The following SEC61A1 variants were observed in gnomAD, a reference collection of about 807,000 sequenced individuals.
SEC61A1 encodes SEC61 translocon subunit alpha 1.
Under a neutral mutation model 55.2 loss-of-function variants are expected in SEC61A1, and 15 were observed. That is an observed-to-expected ratio of 0.27 (90% CI 0.18 to 0.42). SEC61A1 has a LOEUF of 0.42. Among genes scored for constraint, SEC61A1 ranks in the 10% least tolerant of loss-of-function variants. The probability of loss-of-function intolerance (pLI) is 1.00; values close to 1 mark genes in which losing one functional copy is unlikely to be tolerated. For missense variants in SEC61A1, 284 were observed against 602.6 expected, an observed-to-expected ratio of 0.47 and a Z score of 5.53; for synonymous variants, 247 against 234.0, an observed-to-expected ratio of 1.06 and a Z score of -0.51.
At chr3:128,065,587 GA>G (rs2107648565) in intron 8 of SEC61A1, among the ~76,000 whole-genome samples, 1 of 152,304 alleles carries the variant, frequency 6.6e-6, no homozygotes, top group Admixed American at 6.5e-5. Flanking sequence ...GGACAGAGAT[GA>G]AAGGCAGTTT....
intron 7 of SEC61A1, 22 bp from the exon 8 acceptor site, chr3:128,064,855 A>G: frequency 1.9e-6 from 3 of 1,564,778 alleles, no homozygotes; most frequent in Non-Finnish European, 2.6e-6. Context: ...TCCTTCATAT[A>G]TGTCTCCTCC....
intron 5 of SEC61A1, among the ~76,000 whole-genome samples, chr3:128,058,265 G>A (rs1344523371): frequency 7.8e-6 from 1 of 128,886 alleles, no homozygotes; most frequent in Non-Finnish European, 1.5e-5. Flanking sequence ...CTGGAGTGCA[G>A]TGGCGTGATC....
chr3:128,052,011 G>C, upstream of SEC61A1: 1 of 905,996 alleles, frequency 1.1e-6, no homozygotes, highest in Admixed American at 2.0e-5. Flanking sequence ...CTGCTCCAGG[G>C]AGCTTACGGT....
chr3:128,068,942 G>A (rs1248470385), intron 11 of SEC61A1: 1 of 152,322 alleles, frequency 6.6e-6, no homozygotes, highest in Non-Finnish European at 1.5e-5. Flanking sequence ...GGAAAAGCCA[G>A]AATTGCAAAC....
chr3:128,068,394 G>A lies in SEC61A1; in HGVS notation c.1244+335G>A, dbSNP rs188428074. Among the ~76,000 whole-genome samples, 343 of 152,290 alleles carry A rather than the reference G, an allele frequency of 2.3e-3. 3 individuals are homozygous for A. The highest frequency in any genetic ancestry group is 7.8e-3 in the African/African-American group (325 of 41,562). On this transcript the variant is annotated intron_variant, in intron 11 of 11. Coordinates refer to ENST00000243253, the MANE Select transcript of SEC61A1 (RefSeq NM_013336.4). ...CCCTCACCCTGGCTCATGCCGGTGG[G>A]GTGCTGAAGAGAGCGCCCTGGAGGA...
upstream of SEC61A1, chr3:128,052,410 C>T: frequency 8.1e-7 from 1 of 1,236,970 alleles, no homozygotes; most frequent in Non-Finnish European, 1.0e-6. Context: ...CGCGCCGCGC[C>T]GCGCCGCTTG....
At chr3:128,060,760 A>G in intron 7 of SEC61A1, 99 bp downstream of exon 7, 10 of 1,265,024 alleles carry the variant, frequency 7.9e-6, no homozygotes, top group Non-Finnish European at 1.1e-5. Context: ...ACAGAAAAAT[A>G]ATGTCAGTTT....
At chr3:128,055,365 A>G in intron 2 of SEC61A1, 151 bp from the exon 3 acceptor site, 2 of 681,632 alleles carry the variant, frequency 2.9e-6, no homozygotes, top group East Asian at 5.2e-5. Flanking sequence ...CATGGTACTT[A>G]TGTTTGGTAC....
Position 128,069,509 on chromosome 3 carries a change from G to C in SEC61A1, c.1278G>C (p.Leu426=), listed in dbSNP as rs768187019. ...YIPTAAAFGG[L]CIGALSVLAD... ...CCACAGCCGCGGCCTTTGGTGGGCT[G>C]TGCATCGGGGCCCTCTCGGTCCTGG... Residue 426 remains leucine (L), a synonymous_variant, in exon 12 of 12, where the codon CTG becomes CTC. Coordinates refer to ENST00000243253, the MANE Select transcript of SEC61A1 (RefSeq NM_013336.4). 1 of 1,613,428 alleles carries C rather than the reference G, an allele frequency of 6.2e-7. No homozygotes were observed. Among genetic ancestry groups the C allele is most frequent in the East Asian group, 2.2e-5 (1 of 44,884 alleles).
rs1942010903 is a variant in SEC61A1 at position 128,067,314 on chromosome 3, G to C, written c.976-107G>C. 6 of 1,331,480 alleles carry C rather than the reference G, an allele frequency of 4.5e-6. No individual in the cohort carries two copies. The Admixed American group carries it at 1.2e-4, about 27-fold the overall frequency. 82.5% of individuals were successfully genotyped at this position (1,331,480 alleles called of 1,614,324 possible). On this transcript the variant is annotated intron_variant, in intron 9 of 11. Coordinates refer to ENST00000243253, the MANE Select transcript of SEC61A1 (RefSeq NM_013336.4). The surrounding 1 kb of genome is among the most constrained non-coding windows in gnomAD (Gnocchi z 4.1). Reference sequence around the variant, plus strand: ...CTTTTCAGTAAAAAAATTGTACTGTGGGCACCGAGTAAAATTGCATTCTTT... The same window carrying C: ...CTTTTCAGTAAAAAAATTGTACTGTCGGCACCGAGTAAAATTGCATTCTTT...
intron 4 of SEC61A1, among the ~76,000 whole-genome samples, chr3:128,056,409 C>G (rs1941771505): frequency 1.3e-5 from 2 of 152,082 alleles, no homozygotes; most frequent in African/African-American, 4.8e-5. Context: ...AAGAGACGAA[C>G]ATTTCTTATC....
intron 1 of SEC61A1, 119 bp from the exon 2 acceptor site, chr3:128,052,716 G>T (rs945749449): frequency 1.1e-5 from 17 of 1,499,640 alleles, no homozygotes; most frequent in Non-Finnish European, 1.5e-5. Context: ...CGCGTCCGGG[G>T]TGCGGCCGGC....
At chr3:128,054,604 C>CTCAGT (rs1941744047) in intron 2 of SEC61A1, among the ~76,000 whole-genome samples, 1 of 142,660 alleles carries the variant, frequency 7.0e-6, no homozygotes. Flanking sequence ...GGAATGCTGA[C>CTCAGT]TCAGTGCCTG....
At chr3:128,065,908 ATTTT>A (rs749114427) in intron 8 of SEC61A1, among the ~76,000 whole-genome samples, 11 of 150,246 alleles carry the variant, frequency 7.3e-5, no homozygotes, top group Non-Finnish European at 1.0e-4. Context: ...CGCCCGGCTA[ATTTT>A]TTTTTATTTT....
chr3:128,069,554 T>C lies in SEC61A1; in HGVS notation c.1323T>C (p.Ile441=). 2 of 1,614,106 alleles carry C rather than the reference T, an allele frequency of 1.2e-6. No individual in the cohort carries two copies. The highest frequency in any genetic ancestry group is 1.7e-6 in the Non-Finnish European group (2 of 1,180,030). ...TCCTGGCTGACTTCCTAGGCGCCAT[T>C]GGGTCTGGAACCGGGATCCTGCTCG... is the stretch of plus-strand genomic sequence containing the variant. ...LSVLADFLGA[I]GSGTGILLAV... Residue 441 remains isoleucine (I), a synonymous_variant, in exon 12 of 12, where the codon ATT becomes ATC. Coordinates refer to ENST00000243253, the MANE Select transcript of SEC61A1 (RefSeq NM_013336.4).
chr3:128,056,561 T>G (rs1400940478), intron 4 of SEC61A1, 148 bp from the exon 5 acceptor site: 2 of 561,624 alleles, frequency 3.6e-6, no homozygotes, highest in African/African-American at 3.8e-5. Context: ...GTTGATATTT[T>G]GGGGTTCTAA....
chr3:128,066,843 A>G lies in SEC61A1; in HGVS notation c.778-111A>G, dbSNP rs1481931989. The G allele has an allele frequency of 5.0e-6, 5 of 1,005,070 alleles. No homozygotes were observed. In the African/African-American group the frequency reaches 8.0e-5, roughly 16 times the overall value. 62.3% of individuals were successfully genotyped at this position (1,005,070 alleles called of 1,614,324 possible). ...GAACTGGGAGCCCCAGAACCAGCAC[A>G]CAGGATTTCCTCCCTTGTGGCCCAC... On this transcript the variant is annotated intron_variant, in intron 8 of 11. Coordinates refer to ENST00000243253, the MANE Select transcript of SEC61A1 (RefSeq NM_013336.4).
rs1941758963 is a variant in SEC61A1, at chr3:128,055,593, CTTGTAT to C, written c.141+15_141+20del. 2 of 1,612,384 alleles carry C rather than the reference CTTGTAT, an allele frequency of 1.2e-6. No individual in the cohort carries two copies. Among genetic ancestry groups the C allele is most frequent in the African/African-American group, 2.7e-5 (2 of 74,886 alleles). ...TAGTGTGCTGCCAGGTAAGCTCAGG[CTTGTAT>C]TTCGTATTGGGGAGGGGGATAAGAG... On this transcript the variant is annotated intron_variant, in intron 3 of 11. Transcript: ENST00000243253.
At chr3:128,063,928 T>A (rs1941892241) in intron 7 of SEC61A1, among the ~76,000 whole-genome samples, 1 of 152,242 alleles carries the variant, frequency 6.6e-6, no homozygotes, top group Non-Finnish European at 1.5e-5. Context: ...TACTCTGTTG[T>A]CTGGTTCTTA....
Sources: allele counts gnomAD v4.1 joint callset (sites outside exome capture counted in the v4.1 genomes callset), GRCh38; gene constraint gnomAD v4.1.1; non-coding constraint Gnocchi (gnomAD v3.1); transcripts MANE v1.5; gene names NCBI Gene and HGNC (gene_info 2026-07-23, HGNC 2026-07-21).